The following DPYD variants were observed in gnomAD, a reference collection of about 807,000 sequenced individuals.
The protein encoded by DPYD is dihydropyrimidine dehydrogenase.
In DPYD, 109 loss-of-function variants were observed where a neutral mutation model predicts 116.2. That is an observed-to-expected ratio of 0.94 (90% CI 0.80 to 1.10). The LOEUF (loss-of-function observed/expected upper bound fraction) is 1.10. Ranked by LOEUF, DPYD falls within the 50% of genes least tolerant of loss-of-function variation. The probability of loss-of-function intolerance (pLI) is 0.00; values close to 1 mark genes in which losing one functional copy is unlikely to be tolerated. For synonymous variants in DPYD, 440 were observed against 432.0 expected (o/e 1.02, Z -0.23); for missense variants, 1,302 against 1,254.5 (o/e 1.04, Z -0.57).
chr1:97,666,992 C>T (rs566162057), intron 8 of DPYD, among the ~76,000 whole-genome samples: 12 of 152,230 alleles, frequency 7.9e-5, no homozygotes, highest in African/African-American at 2.2e-4. Flanking sequence ...TGAGCAAATC[C>T]GCCCTGCTAC....
intron 13 of DPYD, among the ~76,000 whole-genome samples, chr1:97,475,145 T>A (rs1284810094): frequency 6.6e-6 from 1 of 152,160 alleles, no homozygotes; most frequent in Non-Finnish European, 1.5e-5. Flanking sequence ...TTGTGGGCAT[T>A]CATTCATGTT....
intron 18 of DPYD, among the ~76,000 whole-genome samples, chr1:97,245,732 G>C (rs1047629568): frequency 6.6e-6 from 1 of 152,070 alleles, no homozygotes; most frequent in Non-Finnish European, 1.5e-5. Flanking sequence ...ATAAAAAAGA[G>C]GTTCCACATC....
chr1:97,195,624 A>ATGTG (rs1478029127), intron 19 of DPYD, among the ~76,000 whole-genome samples: 4 of 92,390 alleles, frequency 4.3e-5, no homozygotes, highest in Non-Finnish European at 8.7e-5. Flanking sequence ...ATGTATGTGT[A>ATGTG]TATGTATGTG....
Position 97,078,328 on chromosome 1 carries a change from G to T in DPYD, c.*648C>A, listed in dbSNP as rs1468414240. The T allele has an allele frequency of 1.2e-5, 2 of 161,560 alleles. No individual in the cohort carries two copies. The highest frequency in any genetic ancestry group is 4.8e-5 in the African/African-American group (2 of 41,468). 10.0% of individuals were successfully genotyped at this position (161,560 alleles called of 1,614,324 possible). A position where few individuals can be genotyped will look rare whatever the true frequency, so the allele number is the denominator to read the frequency against. ...CCATCTCACGCATGAGTAGTGAATG[G>T]TATTTAGTTAGTAAATATTCTCCCT... On this transcript the variant is annotated 3_prime_UTR_variant, in exon 23 of 23. Transcript: ENST00000370192.
At chr1:97,615,395 C>A (rs1308256256) in intron 8 of DPYD, among the ~76,000 whole-genome samples, 1 of 152,098 alleles carries the variant, frequency 6.6e-6, no homozygotes, top group Non-Finnish European at 1.5e-5. Flanking sequence ...TGCTGACCAA[C>A]AGTGGGGTGA....
intron 2 of DPYD, chr1:97,856,667 T>C (rs1296168583): frequency 1.3e-5 from 2 of 152,262 alleles, no homozygotes; most frequent in Non-Finnish European, 2.9e-5. Context: ...AGATCTCTGA[T>C]GAAGGAGGAG....
At position 97,078,044 on chromosome 1, in the gene DPYD, CAGAG is replaced by C. The variant is rs947206632; in HGVS notation, c.*928_*931del. On this transcript the variant is annotated 3_prime_UTR_variant, in exon 23 of 23. Coordinates refer to ENST00000370192, the MANE Select transcript of DPYD (RefSeq NM_000110.4). ...TTTCTTTTAAACATAAACACTAAAA[CAGAG>C]AGTAGTCAAACTGATTTGGCACACT... 1 of 151,938 alleles carries C rather than the reference CAGAG, an allele frequency of 6.6e-6. No individual in the cohort carries two copies. Among genetic ancestry groups the C allele is most frequent in the Non-Finnish European group, 1.5e-5 (1 of 67,960 alleles). 9.4% of individuals were successfully genotyped at this position (151,938 alleles called of 1,614,324 possible).
chr1:97,480,747 G>A (rs557784302), intron 13 of DPYD, among the ~76,000 whole-genome samples: 5 of 152,272 alleles, frequency 3.3e-5, no homozygotes, highest in Admixed American at 6.5e-5. Flanking sequence ...TTGGGAGGCC[G>A]AGGCATGCAG....
chr1:97,380,336 A>C (rs1278495551), intron 15 of DPYD, among the ~76,000 whole-genome samples: 2 of 152,202 alleles, frequency 1.3e-5, no homozygotes, highest in Admixed American at 1.3e-4. Flanking sequence ...GCCTGTGATC[A>C]GGTACCTGGA....
chr1:97,725,834 A>G (rs1360926732), intron 4 of DPYD, among the ~76,000 whole-genome samples: 1 of 151,626 alleles, frequency 6.6e-6, no homozygotes, highest in African/African-American at 2.4e-5. Flanking sequence ...GAGGGAATGG[A>G]CAATAACTGC....
At chr1:97,715,458 G>A (rs1436658309) in intron 5 of DPYD, among the ~76,000 whole-genome samples, 2 of 152,114 alleles carry the variant, frequency 1.3e-5, no homozygotes, top group African/African-American at 4.8e-5. Flanking sequence ...CCTAGGACTT[G>A]TAGTAAAGAA....
intron 7 of DPYD, among the ~76,000 whole-genome samples, chr1:97,687,564 G>A (rs550445752): frequency 1.3e-5 from 2 of 152,308 alleles, no homozygotes; most frequent in Non-Finnish European, 2.9e-5. Context: ...GGAAAACAGT[G>A]TGGCAATTCC....
In DPYD at chr1:97,156,537, C is replaced by T. The variant is rs4309030; in HGVS notation, c.2622+36532G>A. The stretch of plus-strand genomic sequence containing the variant: ...AAAAATGCTCACCATCACTGGCCAT[C>T]GGAGAAATGCAAATCAAAACCACAA... On this transcript the variant is annotated intron_variant, in intron 20 of 22. Transcript: ENST00000370192. Among the ~76,000 whole-genome samples, 120 of 152,100 alleles carry T rather than the reference C, an allele frequency of 7.9e-4. 1 individual carries two copies. The highest frequency in any genetic ancestry group is 6.4e-3 in the Admixed American group (97 of 15,272).
intron 4 of DPYD, among the ~76,000 whole-genome samples, chr1:97,729,327 C>G (rs1475229360): frequency 2.0e-5 from 3 of 152,070 alleles, no homozygotes; most frequent in Non-Finnish European, 2.9e-5. Context: ...GGTTTCATCA[C>G]TTGAGACATG....
chr1:97,168,848 AT>A (rs11457298), intron 20 of DPYD, among the ~76,000 whole-genome samples: 3,068 of 142,324 alleles, frequency 0.022, 46 homozygotes, highest in African/African-American at 0.04. Flanking sequence ...CCACTTAGTA[AT>A]TTTTTTTTTT....
intron 18 of DPYD, among the ~76,000 whole-genome samples, chr1:97,251,872 T>C (rs1041013787): frequency 2.0e-5 from 3 of 152,176 alleles, no homozygotes; most frequent in Admixed American, 2.0e-4. Flanking sequence ...TTGCTGACTG[T>C]AGTGCTAAGT....
chr1:97,319,232 A>G (rs1269466571), intron 16 of DPYD, among the ~76,000 whole-genome samples: 3 of 150,446 alleles, frequency 2.0e-5, no homozygotes, highest in Non-Finnish European at 1.5e-5. Flanking sequence ...AACTAAAATC[A>G]GAGCACAACT....
At chr1:97,297,505 A>G (rs972205741) in intron 18 of DPYD, among the ~76,000 whole-genome samples, 1 of 152,198 alleles carries the variant, frequency 6.6e-6, no homozygotes, top group African/African-American at 2.4e-5. Context: ...AACAGTCTAT[A>G]AAGATGACTT....
At chr1:97,626,942 G>A in intron 8 of DPYD, among the ~76,000 whole-genome samples, 1 of 151,904 alleles carries the variant, frequency 6.6e-6, no homozygotes, top group East Asian at 1.9e-4. Flanking sequence ...ATGTCAAAGT[G>A]CCATAGACTG....
Sources: allele counts gnomAD v4.1 joint callset (sites outside exome capture counted in the v4.1 genomes callset), GRCh38; gene constraint gnomAD v4.1.1; transcripts MANE v1.5; gene names NCBI Gene and HGNC (gene_info 2026-07-23, HGNC 2026-07-21).